The following FCHO2 variants were observed in gnomAD, a reference collection of about 807,000 sequenced individuals.
FCHO2 encodes the protein F-BAR domain only protein 2.
Under a neutral mutation model 114.1 loss-of-function variants are expected in FCHO2, and 43 were observed. The observed-to-expected ratio is 0.38, with a 90% CI of 0.30 to 0.49. The LOEUF (loss-of-function observed/expected upper bound fraction) is 0.49. Among genes scored for constraint, FCHO2 ranks in the 20% least tolerant of loss-of-function variants. FCHO2 has a pLI of 0.97. For synonymous variants in FCHO2, 293 were observed against 315.2 expected (o/e 0.93, Z 0.75); for missense variants, 807 against 950.4 (o/e 0.85, Z 1.98).
intron 1 of FCHO2, among the ~76,000 whole-genome samples, chr5:72,956,859 TCTCCGG>T (rs1280371789): frequency 6.6e-6 from 1 of 151,858 alleles, no homozygotes. Flanking sequence ...TTTGAGAATT[TCTCCGG>T]CTCCCGGTGG....
chr5:73,087,644 GAC>G lies in FCHO2; in HGVS notation c.2304_2305del (p.Leu769CysfsTer24). On this transcript the variant is annotated frameshift_variant, in exon 25 of 26. Transcript: ENST00000430046. LOFTEE classifies it high-confidence loss of function. The stretch of plus-strand genomic sequence containing the variant: ...TTTCAGAAGGACCTAGTAAACCCAC[GAC>G]ACTTGCAGTACAATTCCTCAGCGAG... ...DLSEGPSKPTTLAVQFLSEGS... is the reference protein window; with the variant it reads ...DLSEGPSKPTXLAVQFLSEGS... 1 of 1,613,844 alleles carries G rather than the reference GAC, an allele frequency of 6.2e-7. No individual in the cohort carries two copies. Among genetic ancestry groups the G allele is most frequent in the Non-Finnish European group, 8.5e-7 (1 of 1,179,830 alleles).
At chr5:72,992,234 G>A (rs1030812707) in intron 5 of FCHO2, among the ~76,000 whole-genome samples, 2 of 152,088 alleles carry the variant, frequency 1.3e-5, no homozygotes, top group African/African-American at 4.8e-5. Flanking sequence ...TGAATTTGGA[G>A]CAATATATTG....
intron 19 of FCHO2, among the ~76,000 whole-genome samples, chr5:73,071,289 TC>T (rs1742636373): frequency 1.3e-5 from 2 of 151,700 alleles, no homozygotes; most frequent in Non-Finnish European, 2.9e-5. Flanking sequence ...TAAGAAGTCA[TC>T]CAAAAAGAAT....
At chr5:73,020,916 A>G in intron 8 of FCHO2, 1 of 1,386,526 alleles carries the variant, frequency 7.2e-7, no homozygotes, top group Non-Finnish European at 1.0e-6. Context: ...CTTTATCGAA[A>G]TCATATAGTC....
intron 5 of FCHO2, among the ~76,000 whole-genome samples, chr5:72,995,683 G>T (rs1387426854): frequency 6.6e-6 from 1 of 152,142 alleles, no homozygotes; most frequent in East Asian, 1.9e-4. Flanking sequence ...CTCAGAAGGT[G>T]CAGGACCTCA....
At chr5:73,054,128 C>A in intron 13 of FCHO2, 32 bp from the exon 14 acceptor site, 1 of 1,454,236 alleles carries the variant, frequency 6.9e-7, no homozygotes. Flanking sequence ...AGAATTCTAA[C>A]CTAATTTTCT....
intron 1 of FCHO2, among the ~76,000 whole-genome samples, chr5:72,956,606 G>A (rs190877534): frequency 6.6e-6 from 1 of 152,184 alleles, no homozygotes; most frequent in South Asian, 2.1e-4. Flanking sequence ...TACCTCTGAC[G>A]GTTTCCACAC....
intron 11 of FCHO2, among the ~76,000 whole-genome samples, chr5:73,049,683 T>C (rs1757251035): frequency 6.6e-6 from 1 of 152,216 alleles, no homozygotes. Context: ...TTATGGGAAT[T>C]TTATGATGTG....
chr5:72,994,423 C>A (rs2112678663), intron 5 of FCHO2, among the ~76,000 whole-genome samples: 1 of 152,234 alleles, frequency 6.6e-6, no homozygotes, highest in South Asian at 2.1e-4. Flanking sequence ...CAAATCAAAA[C>A]CACAATGAGA....
chr5:73,070,231 T>C (rs1257276118), intron 19 of FCHO2, among the ~76,000 whole-genome samples: 1 of 152,110 alleles, frequency 6.6e-6, no homozygotes, highest in Non-Finnish European at 1.5e-5. Context: ...AAGGCTCACA[T>C]AGGAGAAATG....
chr5:73,027,544 G>C (rs1417115078), intron 8 of FCHO2, among the ~76,000 whole-genome samples: 2 of 151,960 alleles, frequency 1.3e-5, no homozygotes, highest in Admixed American at 6.6e-5. Context: ...TTGAAGTTTT[G>C]TAGTTTAGAA....
intron 2 of FCHO2, among the ~76,000 whole-genome samples, chr5:72,983,624 A>G (rs1399795536): frequency 6.7e-6 from 1 of 149,930 alleles, no homozygotes; most frequent in Non-Finnish European, 1.5e-5. Flanking sequence ...CCTGTGCTCA[A>G]ATGATCTGCC....
intron 1 of FCHO2, among the ~76,000 whole-genome samples, chr5:72,956,472 A>G (rs1751548170): frequency 6.6e-6 from 1 of 151,506 alleles, no homozygotes; most frequent in African/African-American, 2.4e-5. Context: ...CGTGCGCGGC[A>G]GCTCGGACGC....
At chr5:72,983,566 T>C (rs1159148290) in intron 2 of FCHO2, among the ~76,000 whole-genome samples, 1 of 149,304 alleles carries the variant, frequency 6.7e-6, no homozygotes, top group Admixed American at 6.7e-5. Context: ...TTTTTTTTTT[T>C]TTTGGAGAGA....
intron 20 of FCHO2, among the ~76,000 whole-genome samples, chr5:73,075,949 G>A (rs1742889955): frequency 1.3e-5 from 2 of 152,118 alleles, no homozygotes. Context: ...TAATTAGTTT[G>A]TAGATAATAC....
intron 5 of FCHO2, among the ~76,000 whole-genome samples, chr5:72,993,193 C>T (rs925994847): frequency 1.3e-5 from 2 of 151,118 alleles, no homozygotes; most frequent in African/African-American, 2.4e-5. Context: ...CGTAATGAAA[C>T]AAGATCTACT....
chr5:73,007,133 T>G (rs1460099669), intron 6 of FCHO2, among the ~76,000 whole-genome samples: 1 of 152,200 alleles, frequency 6.6e-6, no homozygotes, highest in African/African-American at 2.4e-5. Context: ...TGATCTTACA[T>G]ACCAAGAATT....
At chr5:73,032,817 C>A (rs1756305227) in intron 8 of FCHO2, among the ~76,000 whole-genome samples, 1 of 152,124 alleles carries the variant, frequency 6.6e-6, no homozygotes, top group Admixed American at 6.6e-5. Context: ...TGACTAACCA[C>A]ATGCCTGATT....
At chr5:73,035,601 C>G (rs1051913831) in intron 9 of FCHO2, among the ~76,000 whole-genome samples, 28 of 152,000 alleles carry the variant, frequency 1.8e-4, no homozygotes, top group Admixed American at 6.5e-5. Flanking sequence ...CTCCCAGATC[C>G]AAGCGATCCT....
Sources: gnomAD v4.1 joint callset for allele counts (sites outside exome capture counted in the v4.1 genomes callset) on GRCh38, gnomAD v4.1.1 for gene constraint, MANE v1.5 for transcripts, NCBI Gene and HGNC (gene_info 2026-07-23, HGNC 2026-07-21) for gene names.